C16orf46: variants seen among roughly 807,000 people sequenced by gnomAD.
C16orf46 encodes chromosome 16 open reading frame 46.
In C16orf46, 7 loss-of-function variants were observed where a neutral mutation model predicts 5.5. That is an observed-to-expected ratio of 1.28 (90% CI 0.73 to 2.40). The LOEUF is 2.40. Among genes scored for constraint, C16orf46 ranks in the 30% most tolerant of loss-of-function variants. C16orf46 has a pLI of 0.00. For synonymous variants in C16orf46, 200 were observed against 184.1 expected (o/e 1.09, Z -0.70); for missense variants, 614 against 476.0 (o/e 1.29, Z -2.70).
In C16orf46 at chr16:81,061,767, G is replaced by A; in HGVS notation, c.582C>T (p.His194=). Residue 194 remains histidine, a synonymous_variant, in exon 4 of 4, where the codon CAC becomes CAT. Transcript: ENST00000299578. ...KASGNPSGGA[H]RGLSIPGPLT... ...GGGGGCCTGGGATGGACAGCCCTCT[G>A]TGGGCCCCTCCACTGGGATTCCCAG... The A allele has an allele frequency of 6.2e-7, 1 of 1,613,840 alleles. No individual in the cohort carries two copies. The highest frequency in any genetic ancestry group is 8.5e-7 in the Non-Finnish European group (1 of 1,179,912).
downstream of C16orf46, chr16:81,056,348 TC>T (rs1275740591): frequency 6.6e-6 from 1 of 152,136 alleles, no homozygotes; most frequent in African/African-American, 2.4e-5. Flanking sequence ...CCACAACTCT[TC>T]CTGTCACTGA....
Position 81,061,741 on chromosome 16 carries a change from A to T in C16orf46, c.608T>A (p.Leu203Gln). 1 of 1,613,984 alleles carries T rather than the reference A, an allele frequency of 6.2e-7. No individual in the cohort carries two copies. The highest frequency in any genetic ancestry group is 8.5e-7 in the Non-Finnish European group (1 of 1,180,014). ...AHRGLSIPGPLTSRALLVLPP... is the reference protein window; with the variant it reads ...AHRGLSIPGPQTSRALLVLPP... ...CAGAACTAGGAGGGCCCTGGAAGTC[A>T]GGGGGCCTGGGATGGACAGCCCTCT... is the stretch of plus-strand genomic sequence containing the variant. The change falls in exon 4 of 4, where the codon CTG becomes CAG. Residue 203 changes from leucine (L) to glutamine (Q), a missense_variant. Transcript: ENST00000299578.
intron 1 of C16orf46, among the ~76,000 whole-genome samples, chr16:81,075,745 AGTCT>A (rs1972015792): frequency 6.6e-6 from 1 of 152,224 alleles, no homozygotes; most frequent in Non-Finnish European, 1.5e-5. Flanking sequence ...CATGTTTGCC[AGTCT>A]GTCTATATAG....
chr16:81,056,882 T>C (rs371002269), downstream of C16orf46, among the ~76,000 whole-genome samples: 1 of 152,070 alleles, frequency 6.6e-6, no homozygotes, highest in African/African-American at 2.4e-5. Context: ...AGGCACCTGC[T>C]TGATCTATAA....
rs1567573217 is a variant in C16orf46 at position 81,061,447 on chromosome 16, C to T, written c.902G>A (p.Trp301Ter). 1.9e-6 allele frequency: 3 copies of T among 1,614,134 alleles called. No individual in the cohort carries two copies. The highest frequency in any genetic ancestry group is 2.2e-5 in the East Asian group (1 of 44,876). ...LTDPEQRCLHWSLLSEKNLAC... is the reference protein window; with the variant it reads ...LTDPEQRCLH ...CAGGTTTTTCTCAGACAGGAGGGAC[C>T]AATGCAGGCAGCGCTGCTCCGGATC... The change falls in exon 4 of 4, where the codon TGG becomes TAG. Residue 301 changes from tryptophan to a stop codon, truncating the protein, a stop_gained. Coordinates refer to ENST00000299578, the MANE Select transcript of C16orf46 (RefSeq NM_152337.3). LOFTEE classifies it low-confidence loss of function (END_TRUNC).
chr16:81,053,873 G>A, exon 4 of C16orf46: 1 of 540,550 alleles, frequency 1.8e-6, no homozygotes, highest in East Asian at 2.9e-5. Context: ...ACCTAAAAGA[G>A]CGAGCCGATG....
At chr16:81,069,132 T>C (rs1971757136) in intron 1 of C16orf46, among the ~76,000 whole-genome samples, 1 of 152,194 alleles carries the variant, frequency 6.6e-6, no homozygotes. Flanking sequence ...TTATGTCTTT[T>C]TTGCCCCAGA....
intron 1 of C16orf46, chr16:81,072,323 T>A (rs1971883040): frequency 1.3e-5 from 1 of 76,148 alleles, no homozygotes; most frequent in Admixed American, 1.8e-4. Flanking sequence ...TGATTATACC[T>A]GATGCAAAAA....
At chr16:81,062,397 T>G (rs535935042) in intron 3 of C16orf46, among the ~76,000 whole-genome samples, 90 of 152,352 alleles carry the variant, frequency 5.9e-4, no homozygotes, top group African/African-American at 2.0e-3. Context: ...TTTGTAATAG[T>G]ATTTGTTAAT....
At position 81,063,976 on chromosome 16, in the gene C16orf46, G is replaced by T; in HGVS notation, c.-21C>A. ...TCCATTACTGTGATGCTTGCTTAAA[G>T]TTTTTAACATCTTCTTGCTGTTTAA... On this transcript the variant is annotated 5_prime_UTR_variant, in exon 3 of 4. Transcript: ENST00000299578. 3 of 1,543,316 alleles carry T rather than the reference G, an allele frequency of 1.9e-6. No homozygotes were observed. The highest frequency in any genetic ancestry group is 2.7e-6 in the Non-Finnish European group (3 of 1,127,890).
At chr16:81,057,355 C>G (rs1346308319), downstream of C16orf46, among the ~76,000 whole-genome samples, 1 of 151,802 alleles carries the variant, frequency 6.6e-6, no homozygotes, top group African/African-American at 2.4e-5. Context: ...TTGAGACTAG[C>G]CTGGCCTACA....
At position 81,061,419 on chromosome 16, in the gene C16orf46, C is replaced by T. The variant is rs76579573; in HGVS notation, c.930G>A (p.Ala310=). 63 of 1,614,132 alleles carry T rather than the reference C, an allele frequency of 3.9e-5. No homozygotes were observed. The highest frequency in any genetic ancestry group is 2.7e-4 in the Admixed American group (16 of 60,016). ...HWSLLSEKNL[A]CPPDPSNVRY... ...GAACGTTGCTGGGGTCTGGAGGGCACGCCAGGTTTTTCTCAGACAGGAGGG... is the reference window on the plus strand; with the variant it reads ...GAACGTTGCTGGGGTCTGGAGGGCATGCCAGGTTTTTCTCAGACAGGAGGG... The change falls in exon 4 of 4, where the codon GCG becomes GCA. Residue 310 remains alanine, a synonymous_variant. Transcript: ENST00000299578.
chr16:81,061,254 T>G lies in C16orf46; in HGVS notation c.1095A>C (p.Gln365His), dbSNP rs748536475. The G allele has an allele frequency of 3.7e-6, 6 of 1,614,064 alleles. No individual in the cohort carries two copies. The South Asian group carries it at 6.6e-5, about 18-fold the overall frequency. The change falls in exon 4 of 4, where the codon CAA becomes CAC. Residue 365 changes from glutamine (Q) to histidine (H), a missense_variant. Transcript: ENST00000299578. ...TTGGGAAAACTTTGGTCTCCAGCAT[T>G]TGGGGCCTGTTTTCCTGCTTGGCCT... ...LPKAKQENRPQMLETKVFPRP... is the reference protein window; with the variant it reads ...LPKAKQENRPHMLETKVFPRP...
chr16:81,063,478 A>G (rs962735638), intron 3 of C16orf46, among the ~76,000 whole-genome samples: 1 of 152,178 alleles, frequency 6.6e-6, no homozygotes, highest in African/African-American at 2.4e-5. Flanking sequence ...GCTGGGAAGA[A>G]AACTTGCCCC....
chr16:81,070,876 T>G (rs115566957), intron 1 of C16orf46, among the ~76,000 whole-genome samples: 11 of 152,126 alleles, frequency 7.2e-5, no homozygotes, highest in African/African-American at 2.7e-4. Context: ...CTTATAGTCA[T>G]GTATAGTTTC....
chr16:81,063,365 G>A (rs1971550054), intron 3 of C16orf46, among the ~76,000 whole-genome samples: 3 of 152,166 alleles, frequency 2.0e-5, no homozygotes, highest in African/African-American at 7.2e-5. Context: ...TAGAGTCCAG[G>A]AGACCTGGAT....
chr16:81,054,371 C>T (rs1337077042), intron 3 of C16orf46, among the ~76,000 whole-genome samples: 1 of 151,832 alleles, frequency 6.6e-6, no homozygotes, highest in Non-Finnish European at 1.5e-5. Flanking sequence ...GTCAACCAAA[C>T]TTTGGCAAAT....
chr16:81,066,162 T>G lies in C16orf46; in HGVS notation c.-39+31A>C, dbSNP rs148884203. 27 of 152,128 alleles carry G rather than the reference T, an allele frequency of 1.8e-4. No individual in the cohort carries two copies. In the East Asian group the frequency reaches 5.0e-3, roughly 28 times the overall value. The allele number at this position is 152,128 out of a possible 1,614,324, so 9.4% of individuals were successfully genotyped here. ...CATCCCTGAGTCAATTAACACAGTA[T>G]TATTAATCAGAAGGTCAGATTACTG... On this transcript the variant is annotated intron_variant, in intron 2 of 3. Transcript: ENST00000299578.
In C16orf46 at chr16:81,064,033, A is replaced by G. The variant is rs890080739; in HGVS notation, c.-38-40T>C. On this transcript the variant is annotated intron_variant, in intron 2 of 3. Transcript: ENST00000299578. ...GAATGGAACTTCGTTTTTAATATTA[A>G]TTTTTTTTTAAAAAAAGCAATGCAA... 3.6e-6 allele frequency: 4 copies of G among 1,103,708 alleles called. No homozygotes were observed. The African/African-American group carries it at 6.4e-5, about 18-fold the overall frequency. The allele number at this position is 1,103,708 out of a possible 1,614,324, so 68.4% of individuals were successfully genotyped here.
Sources: allele counts gnomAD v4.1 joint callset (sites outside exome capture counted in the v4.1 genomes callset), GRCh38; gene constraint gnomAD v4.1.1; transcripts MANE v1.5; gene names NCBI Gene and HGNC (gene_info 2026-07-23, HGNC 2026-07-21).